FNBP1L: variants seen among roughly 807,000 people sequenced by gnomAD.
The protein encoded by FNBP1L is formin binding protein 1 like.
A neutral mutation model predicts 91.2 loss-of-function variants in FNBP1L; 36 were observed. That is an observed-to-expected ratio of 0.39 (90% CI 0.30 to 0.52). FNBP1L has a LOEUF of 0.52. FNBP1L is among the 20% of genes least tolerant of loss of function. The probability of loss-of-function intolerance (pLI) is 0.66; values close to 1 mark genes in which losing one functional copy is unlikely to be tolerated. For synonymous variants in FNBP1L, 242 were observed against 237.0 expected, an observed-to-expected ratio of 1.02 and a Z score of -0.19; for missense variants, 571 against 732.1, an observed-to-expected ratio of 0.78 and a Z score of 2.54.
At chr1:93,514,213 A>G (rs1347435589) in intron 2 of FNBP1L, among the ~76,000 whole-genome samples, 2 of 152,328 alleles carry the variant, frequency 1.3e-5, no homozygotes, top group Non-Finnish European at 2.9e-5. Flanking sequence ...TTAACAAGGG[A>G]TGTGAAGGAC....
chr1:93,498,833 T>C (rs1282823247), intron 1 of FNBP1L, among the ~76,000 whole-genome samples: 2 of 152,200 alleles, frequency 1.3e-5, no homozygotes, highest in Non-Finnish European at 2.9e-5. Flanking sequence ...CAGTCCTATT[T>C]AGGTGGGTGA....
intron 2 of FNBP1L, among the ~76,000 whole-genome samples, chr1:93,513,801 A>C (rs1362648905): frequency 6.6e-6 from 1 of 152,218 alleles, no homozygotes; most frequent in African/African-American, 2.4e-5. Flanking sequence ...CAACAAACCC[A>C]CAGCCAATAT....
At chr1:93,507,224 T>G (rs1333249952) in intron 2 of FNBP1L, among the ~76,000 whole-genome samples, 3 of 148,218 alleles carry the variant, frequency 2.0e-5, no homozygotes, top group Admixed American at 2.0e-4. Context: ...TTATAATTTC[T>G]GTAATATGTA....
At position 93,529,726 on chromosome 1, in the gene FNBP1L, T is replaced by C. The variant is rs1411488275; in HGVS notation, c.480T>C (p.Asp160=). Residue 160 remains aspartate (D), a synonymous_variant, in exon 6 of 17, where the codon GAT becomes GAC. Transcript: ENST00000271234. ...AQQSYERLDN[D]TNATKADVEK... is the part of the protein sequence containing the mutation. ...AGAGTTATGAAAGATTGGATAATGA[T>C]ACTAATGCAACCAAGGCAGATGTTG... The C allele has an allele frequency of 7.2e-6, 11 of 1,530,068 alleles. No individual in the cohort carries two copies. Among genetic ancestry groups the C allele is most frequent in the Admixed American group, 2.3e-5 (1 of 44,386 alleles). 94.8% of individuals were successfully genotyped at this position (1,530,068 alleles called of 1,614,324 possible).
rs774384282 is a variant in FNBP1L, at chr1:93,523,479, T to C, written c.330T>C (p.Thr110=). 3.2e-5 allele frequency: 51 copies of C among 1,602,312 alleles called. No individual in the cohort carries two copies. Among genetic ancestry groups the C allele is most frequent in the Non-Finnish European group, 4.3e-5 (51 of 1,174,924 alleles). Residue 110 remains threonine (T), a synonymous_variant, in exon 4 of 17, where the codon ACT becomes ACC. Coordinates refer to ENST00000271234, the MANE Select transcript of FNBP1L (RefSeq NM_001164473.3). ...TGAGATATGCTCATGATCTGAAAACTGAAAGAAAAATGGTAATTCTTACAA... is the reference window on the plus strand; with the variant it reads ...TGAGATATGCTCATGATCTGAAAACCGAAAGAAAAATGGTAATTCTTACAA... ...ELMRYAHDLK[T]ERKMHLQEGR... is the part of the protein sequence containing the mutation.
At chr1:93,521,238 A>G (rs1671313921) in intron 2 of FNBP1L, among the ~76,000 whole-genome samples, 1 of 152,198 alleles carries the variant, frequency 6.6e-6, no homozygotes. Context: ...AACAGTTACA[A>G]GTCAGAATAT....
At chr1:93,509,284 T>C (rs1670736849) in intron 2 of FNBP1L, among the ~76,000 whole-genome samples, 1 of 152,326 alleles carries the variant, frequency 6.6e-6, no homozygotes, top group South Asian at 2.1e-4. Context: ...ACTGTTCTTA[T>C]CTTCATCTCA....
intron 1 of FNBP1L, among the ~76,000 whole-genome samples, chr1:93,496,800 G>C (rs566131656): frequency 6.6e-6 from 1 of 152,168 alleles, no homozygotes; most frequent in East Asian, 1.9e-4. Flanking sequence ...CCAAGTGCTG[G>C]GATTATAGGC....
intron 2 of FNBP1L, among the ~76,000 whole-genome samples, chr1:93,517,109 A>G (rs1198226448): frequency 6.9e-6 from 1 of 144,392 alleles, no homozygotes; most frequent in Non-Finnish European, 1.5e-5. Flanking sequence ...GCACAATCTC[A>G]GCTCACTGCA....
At chr1:93,461,565 G>T (rs1668866186) in intron 1 of FNBP1L, among the ~76,000 whole-genome samples, 2 of 152,128 alleles carry the variant, frequency 1.3e-5, no homozygotes, top group South Asian at 2.1e-4. Context: ...AAAAAAGCAG[G>T]GAACAACATC....
At chr1:93,538,772 C>T (rs1165004709) in intron 10 of FNBP1L, among the ~76,000 whole-genome samples, 1 of 151,954 alleles carries the variant, frequency 6.6e-6, no homozygotes, top group East Asian at 1.9e-4. Flanking sequence ...TGAGTTGTAC[C>T]ATTCAGTTCA....
chr1:93,512,652 C>T (rs1670901121), intron 2 of FNBP1L, among the ~76,000 whole-genome samples: 1 of 149,144 alleles, frequency 6.7e-6, no homozygotes, highest in Admixed American at 6.7e-5. Flanking sequence ...GGAAACTGAA[C>T]AACCTGCTCC....
chr1:93,530,222 A>T (rs1276143507), intron 6 of FNBP1L, among the ~76,000 whole-genome samples: 3 of 152,182 alleles, frequency 2.0e-5, no homozygotes, highest in Non-Finnish European at 4.4e-5. Context: ...CTGTGGTTCT[A>T]CACATTGGTG....
In FNBP1L at chr1:93,448,912, T is replaced by C. The variant is rs1436964113; in HGVS notation, c.24+607T>C. On this transcript the variant is annotated intron_variant, in intron 1 of 16. Coordinates refer to ENST00000271234, the MANE Select transcript of FNBP1L (RefSeq NM_001164473.3). Reference sequence around the variant, plus strand: ...GCCCACACGCACATTTCTCTCTCCCTGCCTCAGTGCTTCGGGCGGGCACAG... The same window carrying C: ...GCCCACACGCACATTTCTCTCTCCCCGCCTCAGTGCTTCGGGCGGGCACAG... 4.6e-5 allele frequency among the ~76,000 whole-genome samples: 7 copies of C among 152,174 alleles called. No individual in the cohort carries two copies. In the East Asian group the frequency reaches 1.4e-3, roughly 29 times the overall value.
intron 1 of FNBP1L, among the ~76,000 whole-genome samples, chr1:93,469,427 A>G (rs765177619): frequency 3.7e-4 from 56 of 152,118 alleles, no homozygotes; most frequent in Admixed American, 9.2e-4. Flanking sequence ...ATCCTTTTTC[A>G]TGGCTGCATA....
At chr1:93,464,824 T>C (rs1669018367) in intron 1 of FNBP1L, among the ~76,000 whole-genome samples, 2 of 152,198 alleles carry the variant, frequency 1.3e-5, no homozygotes, top group African/African-American at 4.8e-5. Flanking sequence ...AAGTTCATGT[T>C]ACTTTAAATT....
intron 1 of FNBP1L, among the ~76,000 whole-genome samples, chr1:93,467,542 G>T (rs1337008275): frequency 1.3e-5 from 2 of 152,126 alleles, no homozygotes; most frequent in Admixed American, 1.3e-4. Flanking sequence ...AAGATAAAAA[G>T]AATTCTGGAG....
Position 93,448,301 on chromosome 1 carries a change from T to G in FNBP1L, c.20T>G (p.Leu7Arg). 1 of 1,515,024 alleles carries G rather than the reference T, an allele frequency of 6.6e-7. No individual in the cohort carries two copies. Among genetic ancestry groups the G allele is most frequent in the Non-Finnish European group, 8.8e-7 (1 of 1,131,742 alleles). 93.8% of individuals were successfully genotyped at this position (1,515,024 alleles called of 1,614,324 possible). MSWGTE[L>R]WDQFDSLDKH... ...TCCGCCATGAGCTGGGGCACGGAGC[T>G]GTGGGTGAGTCGGGGAGAGGGGCGC... Residue 7 changes from leucine (L) to arginine (R), a missense_variant, in exon 1 of 17, where the codon CTG (leucine) becomes CGG (arginine). Transcript: ENST00000271234.
intron 2 of FNBP1L, among the ~76,000 whole-genome samples, chr1:93,512,138 C>G (rs2101738442): frequency 6.6e-6 from 1 of 152,180 alleles, no homozygotes; most frequent in East Asian, 1.9e-4. Context: ...TCTGATAAGA[C>G]AGACTTTAAA....
Sources: allele counts gnomAD v4.1 joint callset (sites outside exome capture counted in the v4.1 genomes callset), GRCh38; gene constraint gnomAD v4.1.1; transcripts MANE v1.5; gene names NCBI Gene and HGNC (gene_info 2026-07-23, HGNC 2026-07-21).